The following ULK4 variants were observed in gnomAD, a reference collection of about 807,000 sequenced individuals.
The protein encoded by ULK4 is inactive serine/threonine-protein kinase ULK4.
ULK4 carries 133 observed loss-of-function variants against 160.6 expected under a neutral mutation model. The observed-to-expected ratio is 0.83, with a 90% CI of 0.72 to 0.96. The LOEUF (loss-of-function observed/expected upper bound fraction) is 0.96, where lower values mean the gene tolerates loss of function less well. Ranked by LOEUF, ULK4 falls within the 40% of genes least tolerant of loss-of-function variation. The pLI, the probability that ULK4 is intolerant of heterozygous loss-of-function variation, is 0.00. For synonymous variants in ULK4, 534 were observed against 539.8 expected (o/e 0.99, Z 0.15); for missense variants, 1,580 against 1,499.5 (o/e 1.05, Z -0.89).
chr3:41,262,021 TTAG>T (rs1260455872), intron 35 of ULK4, among the ~76,000 whole-genome samples: 1 of 152,136 alleles, frequency 6.6e-6, no homozygotes, highest in Non-Finnish European at 1.5e-5. Context: ...GAGGCGGTGA[TTAG>T]TAGTGGAGTT....
At chr3:41,661,432 T>C (rs1266006938) in intron 30 of ULK4, among the ~76,000 whole-genome samples, 1 of 150,484 alleles carries the variant, frequency 6.6e-6, no homozygotes, top group Non-Finnish European at 1.5e-5. Context: ...TATACACATA[T>C]GTGTGTGTAT....
intron 35 of ULK4, among the ~76,000 whole-genome samples, chr3:41,304,508 A>G (rs2079865708): frequency 6.6e-6 from 1 of 152,196 alleles, no homozygotes; most frequent in Non-Finnish European, 1.5e-5. Context: ...TGTAACACTT[A>G]GGTTCTTAGT....
At chr3:41,623,275 A>T (rs934768728) in intron 30 of ULK4, among the ~76,000 whole-genome samples, 2 of 152,186 alleles carry the variant, frequency 1.3e-5, no homozygotes. Context: ...ACACACTGAT[A>T]AAAGAAAAGC....
intron 27 of ULK4, among the ~76,000 whole-genome samples, chr3:41,694,373 G>T (rs2036416349): frequency 6.6e-6 from 1 of 152,198 alleles, no homozygotes; most frequent in African/African-American, 2.4e-5. Context: ...GGACTGTTAT[G>T]GAGGGAGGTA....
chr3:41,585,095 T>C (rs1368995152), intron 31 of ULK4, among the ~76,000 whole-genome samples: 1 of 152,136 alleles, frequency 6.6e-6, no homozygotes, highest in Non-Finnish European at 1.5e-5. Context: ...CTACTCAAAG[T>C]GATCTACCAG....
chr3:41,940,347 C>G (rs9883904), intron 2 of ULK4, among the ~76,000 whole-genome samples: 4,631 of 152,202 alleles, frequency 0.03, 246 homozygotes, highest in African/African-American at 0.11. Flanking sequence ...GCTGCAGCAC[C>G]TGATTAAAGC....
intron 30 of ULK4, among the ~76,000 whole-genome samples, chr3:41,629,299 T>C (rs2033655304): frequency 6.6e-6 from 1 of 152,174 alleles, no homozygotes; most frequent in Admixed American, 6.5e-5. Context: ...CTCACACTTC[T>C]GGCACCTGGG....
chr3:41,701,505 C>T (rs999184074), intron 27 of ULK4, among the ~76,000 whole-genome samples: 1 of 152,088 alleles, frequency 6.6e-6, no homozygotes, highest in African/African-American at 2.4e-5. Context: ...AGCAAAATAT[C>T]CCTCAAGGAA....
At chr3:41,663,530 T>C in intron 30 of ULK4, 77 bp downstream of exon 30, 2 of 1,356,224 alleles carry the variant, frequency 1.5e-6, no homozygotes. Context: ...GAATCTCATC[T>C]TTAATAACAT....
chr3:41,661,323 C>T (rs1306143441), intron 30 of ULK4, among the ~76,000 whole-genome samples: 1 of 151,944 alleles, frequency 6.6e-6, no homozygotes, highest in Non-Finnish European at 1.5e-5. Context: ...TTCATAGATA[C>T]AGAATGATAC....
At chr3:41,810,818 CT>C (rs1360435910) in intron 19 of ULK4, among the ~76,000 whole-genome samples, 1 of 152,070 alleles carries the variant, frequency 6.6e-6, no homozygotes, top group African/African-American at 2.4e-5. Flanking sequence ...GGCTTATTTC[CT>C]TTTTTTCCCT....
chr3:41,821,599 G>C (rs2041148272), intron 18 of ULK4, among the ~76,000 whole-genome samples: 1 of 152,152 alleles, frequency 6.6e-6, no homozygotes, highest in Non-Finnish European at 1.5e-5. Flanking sequence ...AGGGTCATTA[G>C]CTAATGGACT....
intron 35 of ULK4, among the ~76,000 whole-genome samples, chr3:41,344,814 C>A (rs543801572): frequency 6.9e-6 from 1 of 145,402 alleles, no homozygotes; most frequent in South Asian, 2.2e-4. Context: ...AGAGCTTCTG[C>A]ACAAAAAAAG....
intron 5 of ULK4, among the ~76,000 whole-genome samples, chr3:41,923,405 C>A (rs1050811797): frequency 4.6e-5 from 7 of 151,946 alleles, no homozygotes; most frequent in African/African-American, 7.3e-5. Flanking sequence ...AGACTGAGAC[C>A]AGAGAATTGC....
At chr3:41,491,825 C>T (rs945989777) in intron 32 of ULK4, among the ~76,000 whole-genome samples, 3 of 151,748 alleles carry the variant, frequency 2.0e-5, no homozygotes, top group African/African-American at 7.3e-5. Flanking sequence ...TGGTGTGCTG[C>T]ACCCATTAAC....
intron 21 of ULK4, among the ~76,000 whole-genome samples, chr3:41,755,610 A>T (rs1178166147): frequency 6.6e-6 from 1 of 152,132 alleles, no homozygotes; most frequent in African/African-American, 2.4e-5. Context: ...CACCATCACA[A>T]GTCTGTTCCC....
intron 31 of ULK4, among the ~76,000 whole-genome samples, chr3:41,582,663 A>G (rs896884834): frequency 6.6e-6 from 1 of 152,200 alleles, no homozygotes; most frequent in African/African-American, 2.4e-5. Flanking sequence ...CAAAATAACT[A>G]GGCTCTACCT....
chr3:41,249,691 G>A, intron 35 of ULK4, 117 bp from the exon 36 acceptor site: 1 of 1,051,540 alleles, frequency 9.5e-7, no homozygotes, highest in South Asian at 1.6e-5. Context: ...TAAGGCACTG[G>A]GGGGTGTCCC....
chr3:41,613,675 T>C (rs1273274813), intron 31 of ULK4, among the ~76,000 whole-genome samples: 1 of 152,234 alleles, frequency 6.6e-6, no homozygotes, highest in African/African-American at 2.4e-5. Flanking sequence ...AAAGTTGAGA[T>C]TATTCAACTC....
Sources: allele counts gnomAD v4.1 joint callset (sites outside exome capture counted in the v4.1 genomes callset), GRCh38; gene constraint gnomAD v4.1.1; transcripts MANE v1.5; gene names NCBI Gene and HGNC (gene_info 2026-07-23, HGNC 2026-07-21).